The following BMPR2 variants were observed in gnomAD, a reference collection of about 807,000 sequenced individuals.
BMPR2 encodes the protein bone morphogenetic protein receptor type-2.
Under a neutral mutation model 100.8 loss-of-function variants are expected in BMPR2, and 29 were observed. The ratio of observed to expected loss-of-function variants is 0.29; its 90% CI spans 0.21 to 0.39. The LOEUF is 0.39. Ranked by LOEUF, BMPR2 falls within the 10% of genes least tolerant of loss-of-function variation. BMPR2 has a pLI of 1.00. For missense variants in BMPR2, 1,011 were observed against 1,274.5 expected (o/e 0.79, Z 3.15); for synonymous variants, 382 against 442.3 (o/e 0.86, Z 1.71).
At chr2:202,476,367 CTAA>C (rs1009005546) in intron 3 of BMPR2, among the ~76,000 whole-genome samples, 1 of 152,056 alleles carries the variant, frequency 6.6e-6, no homozygotes, top group Non-Finnish European at 1.5e-5. Context: ...AATTACCCAT[CTAA>C]TAATTATTTA....
At chr2:202,482,543 T>C (rs1344593207) in intron 3 of BMPR2, among the ~76,000 whole-genome samples, 1 of 151,176 alleles carries the variant, frequency 6.6e-6, no homozygotes, top group African/African-American at 2.4e-5. Context: ...CTGTCTAATT[T>C]TTTTTTTTTT....
At chr2:202,453,182 C>T (rs1474578999) in intron 1 of BMPR2, among the ~76,000 whole-genome samples, 1 of 146,932 alleles carries the variant, frequency 6.8e-6, no homozygotes. Flanking sequence ...TGGATCTTAT[C>T]ATTGCAGTTT....
chr2:202,419,604 C>G (rs532375238), intron 1 of BMPR2, among the ~76,000 whole-genome samples: 1 of 152,228 alleles, frequency 6.6e-6, no homozygotes, highest in African/African-American at 2.4e-5. Flanking sequence ...ATCCACCCGT[C>G]TCGGCCTCAC....
intron 1 of BMPR2, among the ~76,000 whole-genome samples, chr2:202,411,651 A>C (rs1691015094): frequency 1.3e-5 from 2 of 152,118 alleles, no homozygotes; most frequent in Admixed American, 1.3e-4. Flanking sequence ...ACTCAGCCCA[A>C]AACAGTGGCT....
intron 1 of BMPR2, among the ~76,000 whole-genome samples, chr2:202,405,324 T>C (rs575374124): frequency 6.6e-6 from 1 of 152,148 alleles, no homozygotes; most frequent in South Asian, 2.1e-4. Flanking sequence ...AAAAGGTTGA[T>C]TGTTGGTAGG....
At chr2:202,393,952 T>C (rs1239043839) in intron 1 of BMPR2, among the ~76,000 whole-genome samples, 3 of 136,614 alleles carry the variant, frequency 2.2e-5, no homozygotes, top group African/African-American at 8.1e-5. Flanking sequence ...GAGATTCAGC[T>C]GAGTCATATC....
intron 3 of BMPR2, among the ~76,000 whole-genome samples, chr2:202,483,065 A>G (rs1203633071): frequency 6.6e-6 from 1 of 151,946 alleles, no homozygotes; most frequent in Non-Finnish European, 1.5e-5. Flanking sequence ...CGCTGTCCTA[A>G]TGGGTGTGAG....
intron 3 of BMPR2, among the ~76,000 whole-genome samples, chr2:202,480,717 G>A (rs938792153): frequency 1.3e-5 from 2 of 151,576 alleles, no homozygotes; most frequent in Non-Finnish European, 2.9e-5. Flanking sequence ...ACTTTGGGAG[G>A]CCGAGGCGGG....
chr2:202,392,202 C>T (rs903550702), intron 1 of BMPR2, among the ~76,000 whole-genome samples: 10 of 152,048 alleles, frequency 6.6e-5, no homozygotes, highest in African/African-American at 2.2e-4. Flanking sequence ...TCCCAAGTAG[C>T]TGGGATTAAA....
At chr2:202,449,464 G>A (rs951907005) in intron 1 of BMPR2, among the ~76,000 whole-genome samples, 3 of 152,124 alleles carry the variant, frequency 2.0e-5, no homozygotes, top group Non-Finnish European at 4.4e-5. Flanking sequence ...TCCCCAAACC[G>A]ATATGAGTGG....
At chr2:202,381,673 T>C (rs890580354) in intron 1 of BMPR2, among the ~76,000 whole-genome samples, 1 of 152,224 alleles carries the variant, frequency 6.6e-6, no homozygotes, top group African/African-American at 2.4e-5. Context: ...ACCAGTAAGA[T>C]GGTCCAGAAG....
intron 3 of BMPR2, among the ~76,000 whole-genome samples, chr2:202,506,026 C>T (rs752212743): frequency 2.2e-4 from 34 of 152,094 alleles, no homozygotes; most frequent in Admixed American, 8.5e-4. Context: ...CTGGGAAGTC[C>T]GTGTCCTTAA....
At chr2:202,475,885 A>C (rs1229148220) in intron 3 of BMPR2, among the ~76,000 whole-genome samples, 1 of 151,870 alleles carries the variant, frequency 6.6e-6, no homozygotes, top group Non-Finnish European at 1.5e-5. Context: ...AGACTGATCA[A>C]CATGGAGAAA....
intron 1 of BMPR2, among the ~76,000 whole-genome samples, chr2:202,392,460 C>G (rs534563024): frequency 6.6e-6 from 1 of 152,094 alleles, no homozygotes; most frequent in African/African-American, 2.4e-5. Flanking sequence ...GAAAGTGTTA[C>G]ATTTGAGTTG....
At chr2:202,515,001 G>A (rs1246912266) in intron 5 of BMPR2, 22 bp downstream of exon 5, 1 of 1,597,430 alleles carries the variant, frequency 6.3e-7, no homozygotes, top group Admixed American at 1.7e-5. Context: ...GTTAGATTAT[G>A]GACTGTTGTT....
At chr2:202,455,988 C>T (rs868007805) in intron 1 of BMPR2, among the ~76,000 whole-genome samples, 29 of 125,514 alleles carry the variant, frequency 2.3e-4, no homozygotes, top group Admixed American at 7.9e-4. Context: ...TGGTGTGAAC[C>T]GGGGAGGCAG....
chr2:202,471,440 C>A, intron 3 of BMPR2, among the ~76,000 whole-genome samples: 1 of 152,138 alleles, frequency 6.6e-6, no homozygotes, highest in East Asian at 1.9e-4. Flanking sequence ...GAAAAATGGA[C>A]ACCTTGACCA....
chr2:202,505,414 G>A (rs1392312813), intron 3 of BMPR2: 2 of 149,920 alleles, frequency 1.3e-5, no homozygotes, highest in Non-Finnish European at 3.0e-5. Flanking sequence ...GCAGTGTAGT[G>A]GCGCAATCAT....
At chr2:202,467,732 A>G (rs747523962) in intron 3 of BMPR2, 43 bp downstream of exon 3, 1 of 1,557,054 alleles carries the variant, frequency 6.4e-7, no homozygotes, top group South Asian at 1.1e-5. Flanking sequence ...CCTTTCTCCA[A>G]AGATTTGCAA....
Sources: gnomAD v4.1 joint callset for allele counts (sites outside exome capture counted in the v4.1 genomes callset) on GRCh38, gnomAD v4.1.1 for gene constraint, MANE v1.5 for transcripts, NCBI Gene and HGNC (gene_info 2026-07-23, HGNC 2026-07-21) for gene names.